WDPCP: variants seen among roughly 807,000 people sequenced by gnomAD.
WDPCP encodes the protein WD repeat-containing and planar cell polarity effector protein fritz homolog.
Under a neutral mutation model 93.1 loss-of-function variants are expected in WDPCP, and 71 were observed. That is an observed-to-expected ratio of 0.76 (90% CI 0.63 to 0.93). The LOEUF (loss-of-function observed/expected upper bound fraction) is 0.93. WDPCP is among the 40% of genes least tolerant of loss of function. The pLI is 0.00. For missense variants in WDPCP, 844 were observed against 887.4 expected (o/e 0.95, Z 0.62); for synonymous variants, 315 against 315.0 (o/e 1.00, Z 0.00).
chr2:63,362,865 T>C (rs1690593049), intron 12 of WDPCP, among the ~76,000 whole-genome samples: 1 of 152,146 alleles, frequency 6.6e-6, no homozygotes, highest in African/African-American at 2.4e-5. Context: ...ATTTACAAAC[T>C]AGGTTACTCT....
intron 14 of WDPCP, among the ~76,000 whole-genome samples, chr2:63,191,372 A>G (rs1675030224): frequency 6.6e-6 from 1 of 152,162 alleles, no homozygotes; most frequent in Non-Finnish European, 1.5e-5. Flanking sequence ...AGCCTGGGTG[A>G]CAGAGCCAGA....
At chr2:63,205,421 T>C (rs923579016) in intron 14 of WDPCP, among the ~76,000 whole-genome samples, 2 of 152,226 alleles carry the variant, frequency 1.3e-5, no homozygotes, top group Non-Finnish European at 2.9e-5. Flanking sequence ...TTTGGTAGTA[T>C]GGACATTTTA....
At chr2:63,715,740 A>G (rs968600650) in intron 2 of WDPCP, among the ~76,000 whole-genome samples, 3 of 152,216 alleles carry the variant, frequency 2.0e-5, no homozygotes, top group Non-Finnish European at 2.9e-5. Flanking sequence ...TTGCATTTAA[A>G]TTTTTAATAC....
At chr2:63,399,628 C>T (rs531747292) in intron 10 of WDPCP, among the ~76,000 whole-genome samples, 1 of 148,730 alleles carries the variant, frequency 6.7e-6, no homozygotes, top group Non-Finnish European at 1.5e-5. Context: ...GAGAGAGAGA[C>T]AGAGTATGTG....
At chr2:63,618,768 G>A (rs1022538545) in intron 3 of WDPCP, among the ~76,000 whole-genome samples, 15 of 148,764 alleles carry the variant, frequency 1.0e-4, no homozygotes, top group Admixed American at 3.4e-4. Flanking sequence ...TCCGCTCACC[G>A]CAATCTCTGC....
chr2:63,347,631 T>G (rs1190201460), intron 12 of WDPCP, among the ~76,000 whole-genome samples: 1 of 152,160 alleles, frequency 6.6e-6, no homozygotes, highest in Non-Finnish European at 1.5e-5. Flanking sequence ...TGCCATGTTG[T>G]AGTCATGGAA....
chr2:63,362,514 GTCT>G, intron 12 of WDPCP, among the ~76,000 whole-genome samples: 1 of 151,868 alleles, frequency 6.6e-6, no homozygotes, highest in East Asian at 1.9e-4. Flanking sequence ...AATAATACTG[GTCT>G]TCTTAGCTCT....
intron 9 of WDPCP, among the ~76,000 whole-genome samples, chr2:63,412,540 CAA>C (rs1695093248): frequency 6.6e-6 from 1 of 152,066 alleles, no homozygotes; most frequent in Admixed American, 6.6e-5. Context: ...AGCAGTCAGA[CAA>C]GAGAAAGAAA....
At chr2:63,645,669 A>G (rs1193108927) in intron 3 of WDPCP, among the ~76,000 whole-genome samples, 2 of 152,186 alleles carry the variant, frequency 1.3e-5, no homozygotes, top group Non-Finnish European at 2.9e-5. Flanking sequence ...TATTTGCTTT[A>G]TATATCTGGG....
At chr2:63,621,889 T>A (rs1053545478) in intron 3 of WDPCP, among the ~76,000 whole-genome samples, 5 of 140,672 alleles carry the variant, frequency 3.6e-5, no homozygotes, top group Non-Finnish European at 7.7e-5. Flanking sequence ...TTTTTTTTTT[T>A]ATTATACTTT....
chr2:63,273,949 A>G (rs1682872874), intron 13 of WDPCP, among the ~76,000 whole-genome samples: 1 of 152,192 alleles, frequency 6.6e-6, no homozygotes, highest in African/African-American at 2.4e-5. Flanking sequence ...TAATCTAGAT[A>G]GAAAATTAAC....
chr2:63,644,918 G>A (rs1710031682), intron 3 of WDPCP, among the ~76,000 whole-genome samples: 1 of 152,004 alleles, frequency 6.6e-6, no homozygotes, highest in South Asian at 2.1e-4. Flanking sequence ...TTGGCTAAAG[G>A]TTTATCCATT....
chr2:63,223,227 G>C (rs1393647793), intron 14 of WDPCP, among the ~76,000 whole-genome samples: 1 of 152,086 alleles, frequency 6.6e-6, no homozygotes, highest in Non-Finnish European at 1.5e-5. Context: ...TGAATGTTGG[G>C]TGAGTTTTGA....
At chr2:63,573,050 C>T (rs1257509576) in intron 1 of WDPCP, among the ~76,000 whole-genome samples, 12 of 152,002 alleles carry the variant, frequency 7.9e-5, no homozygotes, top group Non-Finnish European at 1.5e-4. Context: ...AGTCTGAGAG[C>T]AGCCCAGGCA....
intron 1 of WDPCP, among the ~76,000 whole-genome samples, chr2:63,510,597 G>A (rs577230921): frequency 2.7e-4 from 41 of 152,154 alleles, no homozygotes; most frequent in Non-Finnish European, 5.3e-4. Flanking sequence ...TCAGGAAAAA[G>A]AAAGAAATAA....
intron 3 of WDPCP, among the ~76,000 whole-genome samples, chr2:63,630,584 A>C (rs1709853738): frequency 6.6e-6 from 1 of 152,240 alleles, no homozygotes; most frequent in Non-Finnish European, 1.5e-5. Flanking sequence ...TAGCAATCCT[A>C]CATATGTATG....
At position 63,685,577 on chromosome 2, in the gene WDPCP, G is replaced by A. The variant is rs796941182; in HGVS notation, n.309-34739C>T. ...TCAAACTGTTCCATAAAATATAGGT[G>A]AAGGGAATACTTCCAAATGCGTTCT... On this transcript the variant is annotated intron_variant and non_coding_transcript_variant, in intron 2 of 4. Coordinates refer to the WDPCP transcript ENST00000467687. Among the ~76,000 whole-genome samples, 4 of 152,254 alleles carry A rather than the reference G, an allele frequency of 2.6e-5. 1 individual carries two copies. Among genetic ancestry groups the A allele is most frequent in the African/African-American group, 9.6e-5 (4 of 41,544 alleles).
intron 2 of WDPCP, among the ~76,000 whole-genome samples, chr2:63,792,662 T>C (rs1486747855): frequency 6.6e-6 from 1 of 151,964 alleles, no homozygotes; most frequent in Admixed American, 6.6e-5. Flanking sequence ...ATTTGAGAAA[T>C]TGCAAGTAGT....
chr2:63,198,919 T>G (rs1675670072), intron 14 of WDPCP, among the ~76,000 whole-genome samples: 1 of 152,084 alleles, frequency 6.6e-6, no homozygotes, highest in Admixed American at 6.6e-5. Flanking sequence ...TAGAGACTGG[T>G]TAAATTGTTG....
Sources: allele counts gnomAD v4.1 joint callset (sites outside exome capture counted in the v4.1 genomes callset), GRCh38; gene constraint gnomAD v4.1.1; transcripts MANE v1.5; gene names NCBI Gene and HGNC (gene_info 2026-07-23, HGNC 2026-07-21).